Variants in CLIC4 observed in about 807,000 individuals in gnomAD.
CLIC4 encodes the protein CLIC family member 4, also known as chloride intracellular channel protein 4.
CLIC4 carries 13 observed loss-of-function variants against 24.6 expected under a neutral mutation model. The observed-to-expected ratio is 0.53, with a 90% CI of 0.34 to 0.84. CLIC4 has a LOEUF of 0.84. Ranked by LOEUF, CLIC4 falls within the 40% of genes least tolerant of loss-of-function variation. The pLI is 0.01. For missense variants in CLIC4, 227 were observed against 301.7 expected, an observed-to-expected ratio of 0.75 and a Z score of 1.83; for synonymous variants, 104 against 111.3, an observed-to-expected ratio of 0.93 and a Z score of 0.41.
At chr1:24,792,051 TAAA>T (rs61493384) in intron 1 of CLIC4, among the ~76,000 whole-genome samples, 4,217 of 129,818 alleles carry the variant, frequency 0.032, 179 homozygotes, top group African/African-American at 0.11. Context: ...TCCACCTAAT[TAAA>T]AAAAAAAAAA....
At chr1:24,821,303 C>T (rs997090384) in intron 3 of CLIC4, among the ~76,000 whole-genome samples, 1 of 152,150 alleles carries the variant, frequency 6.6e-6, no homozygotes, top group Non-Finnish European at 1.5e-5. Context: ...TTCTTAGCAT[C>T]TAATGCTCTG....
chr1:24,756,248 C>T (rs1178637838), intron 1 of CLIC4, among the ~76,000 whole-genome samples: 2 of 152,154 alleles, frequency 1.3e-5, no homozygotes, highest in African/African-American at 4.8e-5. Context: ...ATCCGCCCGC[C>T]TCGGCCTCCC....
chr1:24,799,220 T>C (rs4256766), intron 2 of CLIC4, among the ~76,000 whole-genome samples: 140,011 of 147,548 alleles, frequency 0.95, 66,673 homozygotes, highest in South Asian at 0.99. Flanking sequence ...TCTTCCCGGC[T>C]GCCATCACAT....
chr1:24,794,012 A>G (rs534734975), intron 1 of CLIC4, among the ~76,000 whole-genome samples: 1 of 151,404 alleles, frequency 6.6e-6, no homozygotes, highest in South Asian at 2.1e-4. Context: ...GTTGATCTCT[A>G]GCAATGTCAG....
At chr1:24,758,311 T>TC (rs967255826) in intron 1 of CLIC4, among the ~76,000 whole-genome samples, 1 of 148,208 alleles carries the variant, frequency 6.7e-6, no homozygotes, top group African/African-American at 2.5e-5. Flanking sequence ...GTCCTAGTCT[T>TC]TTTTTTTTTT....
At chr1:24,771,844 C>G (rs1639074354) in intron 1 of CLIC4, 1 of 513,638 alleles carries the variant, frequency 1.9e-6, no homozygotes, top group Non-Finnish European at 3.9e-6. Flanking sequence ...AGGCCAGGTT[C>G]AAGTCCTATG....
intron 1 of CLIC4, among the ~76,000 whole-genome samples, chr1:24,763,752 C>A (rs1638958570): frequency 6.6e-6 from 1 of 152,108 alleles, no homozygotes; most frequent in East Asian, 1.9e-4. Context: ...TTTGTTTAAA[C>A]TCCATAATCC....
intron 1 of CLIC4, among the ~76,000 whole-genome samples, chr1:24,766,869 T>A (rs1235222076): frequency 1.3e-5 from 2 of 151,180 alleles, no homozygotes; most frequent in African/African-American, 4.8e-5. Flanking sequence ...AATTAATATT[T>A]CAAGTAGGCA....
At chr1:24,747,533 C>CAAAAAAAA (rs35626709) in intron 1 of CLIC4, among the ~76,000 whole-genome samples, 2 of 92,698 alleles carry the variant, frequency 2.2e-5, no homozygotes, top group Non-Finnish European at 2.0e-5. Context: ...GACTCCATCT[C>CAAAAAAAA]AAAAAAAAAA....
intron 2 of CLIC4, among the ~76,000 whole-genome samples, chr1:24,807,259 A>T (rs1639560755): frequency 6.6e-6 from 1 of 151,730 alleles, no homozygotes; most frequent in African/African-American, 2.4e-5. Flanking sequence ...GCCCTACCCG[A>T]CCTACCCCTT....
At chr1:24,749,666 A>G (rs1028419420) in intron 1 of CLIC4, among the ~76,000 whole-genome samples, 8 of 152,160 alleles carry the variant, frequency 5.3e-5, no homozygotes, top group Admixed American at 2.0e-4. Context: ...TCTCAAAAGT[A>G]AAAAAGGCAG....
intron 3 of CLIC4, among the ~76,000 whole-genome samples, chr1:24,821,198 G>GAAA (rs11400541): frequency 6.9e-6 from 1 of 145,248 alleles, no homozygotes. Flanking sequence ...AAAGAAGAAG[G>GAAA]AAAAAAAAAA....
intron 1 of CLIC4, among the ~76,000 whole-genome samples, chr1:24,763,312 G>C (rs1638950848): frequency 6.6e-6 from 1 of 151,934 alleles, no homozygotes; most frequent in Non-Finnish European, 1.5e-5. Context: ...GGCTGTGGTG[G>C]GCAGATCATC....
rs147039381 is a variant in CLIC4 at position 24,797,893 on chromosome 1, A to G, written c.182+42A>G. The stretch of plus-strand genomic sequence containing the variant: ...GTTTGCAATCAACTTAAGCTGAACT[A>G]TCTTTTCAGTTTGATCCTATTTTCA... On this transcript the variant is annotated intron_variant, in intron 2 of 5. Coordinates refer to ENST00000374379, the MANE Select transcript of CLIC4 (RefSeq NM_013943.3). 1.2e-4 allele frequency: 156 copies of G among 1,331,658 alleles called. 2 individuals are homozygous for G. In the East Asian group the frequency reaches 2.9e-3, roughly 25 times the overall value. The allele number at this position is 1,331,658 out of a possible 1,614,324, so 82.5% of individuals were successfully genotyped here. A position where few individuals can be genotyped will look rare whatever the true frequency, so the allele number is the denominator to read the frequency against.
chr1:24,756,528 CATTCTT>C (rs1283351633), intron 1 of CLIC4, among the ~76,000 whole-genome samples: 2 of 152,104 alleles, frequency 1.3e-5, no homozygotes, highest in Admixed American at 6.6e-5. Flanking sequence ...GTGAATAACT[CATTCTT>C]ATGAAAAGAT....
chr1:24,804,378 GCA>G (rs1639523286), intron 2 of CLIC4, among the ~76,000 whole-genome samples: 1 of 135,578 alleles, frequency 7.4e-6, no homozygotes, highest in South Asian at 2.6e-4. Flanking sequence ...GTATGTGTGT[GCA>G]TGTGTGTGGG....
intron 4 of CLIC4, 91 bp downstream of exon 4, chr1:24,827,207 TAGAGTCCAGCC>T: frequency 1.3e-6 from 1 of 758,524 alleles, no homozygotes; most frequent in Admixed American, 2.6e-5. Context: ...ATGAGTACTT[TAGAGTCCAGCC>T]ATTCCCATAA....
chr1:24,826,210 C>T (rs2124166406), intron 3 of CLIC4, among the ~76,000 whole-genome samples: 1 of 152,322 alleles, frequency 6.6e-6, no homozygotes, highest in South Asian at 2.1e-4. Context: ...CAATAGAACA[C>T]TTGTCAGTGT....
In CLIC4 at chr1:24,765,818, T is replaced by TC. The variant is rs1359369855; in HGVS notation, c.72+20193_72+20194insC. Among the ~76,000 whole-genome samples, 3 of 149,072 alleles carry TC rather than the reference T, an allele frequency of 2.0e-5. No individual in the cohort carries two copies. The South Asian group carries it at 6.4e-4, about 32-fold the overall frequency. ...TCTTTTTCTTCTTTCTTTCTTTCTTTTTTTTTTTTTTGAGACAGAGTCTCG... is the reference window on the plus strand; with the variant it reads ...TCTTTTTCTTCTTTCTTTCTTTCTTTCTTTTTTTTTTTGAGACAGAGTCTCG... On this transcript the variant is annotated intron_variant, in intron 1 of 5. Transcript: ENST00000374379.
Sources: allele counts gnomAD v4.1 joint callset (sites outside exome capture counted in the v4.1 genomes callset), GRCh38; gene constraint gnomAD v4.1.1; transcripts MANE v1.5; gene names NCBI Gene and HGNC (gene_info 2026-07-23, HGNC 2026-07-21).